The following NT5DC4 variants were observed in gnomAD, a reference collection of about 807,000 sequenced individuals.
NT5DC4 encodes 5'-nucleotidase domain-containing protein 4.
In NT5DC4, 44 loss-of-function variants were observed where a neutral mutation model predicts 26.6. That is an observed-to-expected ratio of 1.65 (90% CI 1.30 to 2.13). NT5DC4 has a LOEUF of 2.13. Ranked by LOEUF, NT5DC4 falls within the 30% of genes most tolerant of loss-of-function variation. The pLI is 0.00. For missense variants in NT5DC4, 399 were observed against 228.1 expected, an observed-to-expected ratio of 1.75 and a Z score of -4.83; for synonymous variants, 157 against 86.7, an observed-to-expected ratio of 1.81 and a Z score of -4.51.
chr2:112,720,343 C>T (rs964763600), upstream of NT5DC4, among the ~76,000 whole-genome samples: 21 of 151,788 alleles, frequency 1.4e-4, no homozygotes, highest in African/African-American at 2.9e-4. Context: ...GGATTACAGG[C>T]GTGAGCCACT....
intron 10 of NT5DC4, 112 bp from the exon 11 acceptor site, chr2:112,724,669 T>A (rs1250093657): frequency 1.5e-6 from 1 of 661,898 alleles, no homozygotes; most frequent in Non-Finnish European, 2.8e-6. Context: ...GCTGAAGAGG[T>A]CTCATCCAGC....
chr2:112,722,899 G>T (rs1225250678), intron 6 of NT5DC4, 128 bp downstream of exon 6: 9 of 163,472 alleles, frequency 5.5e-5, no homozygotes, highest in Non-Finnish European at 1.3e-5. Flanking sequence ...CAGTGGGAAG[G>T]CCTCTATTGC....
chr2:112,719,987 TTTTTCTTTTC>T (rs1195865998), upstream of NT5DC4, among the ~76,000 whole-genome samples: 1 of 129,910 alleles, frequency 7.7e-6, no homozygotes, highest in African/African-American at 3.4e-5. Context: ...TCTTTCTTTC[TTTTTCTTTTC>T]TTTTCTTTTC....
chr2:112,719,434 A>G (rs1051793801), upstream of NT5DC4, among the ~76,000 whole-genome samples: 7 of 145,788 alleles, frequency 4.8e-5, no homozygotes, highest in African/African-American at 1.8e-4. Flanking sequence ...AGTTTAGTTT[A>G]GCCATTTTAG....
intron 8 of NT5DC4, 100 bp downstream of exon 8, chr2:112,723,568 C>T (rs1304266469): frequency 1.4e-6 from 1 of 692,056 alleles, no homozygotes; most frequent in Non-Finnish European, 2.7e-6. Flanking sequence ...AGGCTGAGCT[C>T]TGCTCCCCGG....
At chr2:112,738,266 T>G (rs1303840437) in intron 16 of NT5DC4, 1 of 152,420 alleles carries the variant, frequency 6.6e-6, no homozygotes, top group East Asian at 1.9e-4. Flanking sequence ...ACAAGAATTC[T>G]CTCTCATTTA....
At chr2:112,737,314 A>C (rs55960457) in intron 16 of NT5DC4, 1 of 152,138 alleles carries the variant, frequency 6.6e-6, no homozygotes. Flanking sequence ...ACCGTTTTCC[A>C]TAACGGCTGC....
In NT5DC4 at chr2:112,733,471, C is replaced by A. The variant is rs541339316; in HGVS notation, c.1344+3767C>A. Among the ~76,000 whole-genome samples the A allele has an allele frequency of 2.0e-5, 3 of 152,298 alleles. No individual in the cohort carries two copies. In the East Asian group the frequency reaches 5.8e-4, roughly 29 times the overall value. On this transcript the variant is annotated intron_variant, in intron 16 of 16. Coordinates refer to ENST00000688554, the MANE Select transcript of NT5DC4 (RefSeq NM_001393655.1). ...GGGACATGGGACCAAGTTCTGGCCC[C>A]TAAATTCTGGACAGAAGTAATGGTC...
chr2:112,733,018 T>C (rs1031136478), intron 16 of NT5DC4, among the ~76,000 whole-genome samples: 1 of 152,286 alleles, frequency 6.6e-6, no homozygotes, highest in African/African-American at 2.4e-5. Context: ...GTGTATTTTA[T>C]TGAAAGACAC....
chr2:112,740,874 G>C, downstream of NT5DC4: 2 of 1,614,074 alleles, frequency 1.2e-6, no homozygotes, highest in East Asian at 2.2e-5. Context: ...GTTCTGCCTT[G>C]GCTATTCGGG....
chr2:112,720,012 C>CCTTCCTTCCTTCCTTCCTT (rs777830717), upstream of NT5DC4, among the ~76,000 whole-genome samples: 43 of 97,648 alleles, frequency 4.4e-4, no homozygotes, highest in African/African-American at 1.4e-3. Context: ...CTTTTCTTTT[C>CCTTCCTTCCTTCCTTCCTT]CCTTCCTTCC....
At chr2:112,734,608 G>A (rs1309772688) in intron 16 of NT5DC4, among the ~76,000 whole-genome samples, 3 of 152,194 alleles carry the variant, frequency 2.0e-5, no homozygotes, top group Non-Finnish European at 4.4e-5. Flanking sequence ...TGCCAGGACT[G>A]GGTCACATGC....
Position 112,739,076 on chromosome 2 carries a change from A to C in NT5DC4, c.*140A>C. Reference sequence around the variant, plus strand: ...GAGAGACAGCAAGAGATGCATTAAAAACCTTATCATTTAAAAAAATTATCT... The same window carrying C: ...GAGAGACAGCAAGAGATGCATTAAACACCTTATCATTTAAAAAAATTATCT... On this transcript the variant is annotated 3_prime_UTR_variant, in exon 17 of 17. Coordinates refer to ENST00000688554, the MANE Select transcript of NT5DC4 (RefSeq NM_001393655.1). 2.7e-6 allele frequency: 4 copies of C among 1,503,078 alleles called. No homozygotes were observed. The highest frequency in any genetic ancestry group is 3.7e-6 in the Non-Finnish European group (4 of 1,093,694). The allele number at this position is 1,503,078 out of a possible 1,614,324, so 93.1% of individuals were successfully genotyped here.
downstream of NT5DC4, chr2:112,740,865 T>C: frequency 6.2e-7 from 1 of 1,614,066 alleles, no homozygotes. Context: ...AATTATGCTG[T>C]TCTGCCTTGG....
intron 15 of NT5DC4, 114 bp from the exon 16 acceptor site, chr2:112,729,513 C>A: frequency 4.5e-6 from 3 of 669,402 alleles, no homozygotes; most frequent in South Asian, 1.6e-5. Context: ...GCAGCAACAT[C>A]GTTGGGCAGG....
upstream of NT5DC4, among the ~76,000 whole-genome samples, chr2:112,719,954 C>CT (rs1222302980): frequency 8.6e-6 from 1 of 115,700 alleles, no homozygotes; most frequent in East Asian, 2.3e-4. Context: ...TTCTTTCTTT[C>CT]TTTCTTTCTT....
At chr2:112,725,924 T>A (rs1677650313) in intron 13 of NT5DC4, among the ~76,000 whole-genome samples, 1 of 131,634 alleles carries the variant, frequency 7.6e-6, no homozygotes, top group Admixed American at 8.9e-5. Flanking sequence ...GAAGTCATCC[T>A]CCAGGGCAGG....
downstream of NT5DC4, chr2:112,742,263 AG>A: frequency 7.7e-6 from 5 of 650,756 alleles, no homozygotes; most frequent in South Asian, 8.8e-5. Context: ...AGTCTTCTAA[AG>A]GTTATGACCA....
chr2:112,722,825 G>A (rs1433645674), intron 6 of NT5DC4, 54 bp downstream of exon 6: 4 of 620,584 alleles, frequency 6.4e-6, no homozygotes, highest in Non-Finnish European at 1.2e-5. Flanking sequence ...ACTGCTCAGG[G>A]ACCAAACCCC....
Sources: gnomAD v4.1 joint callset for allele counts (sites outside exome capture counted in the v4.1 genomes callset) on GRCh38, gnomAD v4.1.1 for gene constraint, MANE v1.5 for transcripts, NCBI Gene and HGNC (gene_info 2026-07-23, HGNC 2026-07-21) for gene names.